Variants in CPNE4 observed in about 807,000 individuals in gnomAD.
CPNE4 encodes the protein copine 4.
Under a neutral mutation model 67.9 loss-of-function variants are expected in CPNE4, and 25 were observed. The observed-to-expected ratio is 0.37, with a 90% CI of 0.27 to 0.51. The LOEUF (loss-of-function observed/expected upper bound fraction) is 0.51. Among genes scored for constraint, CPNE4 ranks in the 20% least tolerant of loss-of-function variants. The pLI is 0.93. For missense variants in CPNE4, 464 were observed against 690.8 expected (o/e 0.67, Z 3.68); for synonymous variants, 242 against 244.9 (o/e 0.99, Z 0.11).
chr3:131,805,811 C>T (rs919586513), intron 2 of CPNE4, among the ~76,000 whole-genome samples: 5 of 152,108 alleles, frequency 3.3e-5, no homozygotes, highest in Admixed American at 3.3e-4. Flanking sequence ...TCCACTGTGC[C>T]CTACTGGTTG....
rs1386976025 is a variant in CPNE4, at chr3:132,005,300, A to G, written c.-2+29267T>C. 6.0e-5 allele frequency among the ~76,000 whole-genome samples: 8 copies of G among 133,254 alleles called. 1 individual carries two copies. Among genetic ancestry groups the G allele is most frequent in the Non-Finnish European group, 1.3e-4 (8 of 62,122 alleles). The allele number at this position is 133,254 out of a possible 152,430, so 87.4% of individuals were successfully genotyped here. On this transcript the variant is annotated intron_variant, in intron 1 of 15. Transcript: ENST00000429747. ...TCACCAAAAAACAACAAAACAATGA[A>G]TGTGCCATTTTTACATATATATATA...
At chr3:131,803,654 T>A (rs1215102508) in intron 2 of CPNE4, among the ~76,000 whole-genome samples, 1 of 152,210 alleles carries the variant, frequency 6.6e-6, no homozygotes, top group Non-Finnish European at 1.5e-5. Context: ...TGAAAACCCA[T>A]ACTTTAGACA....
At chr3:131,869,425 T>A (rs2087101205) in intron 2 of CPNE4, among the ~76,000 whole-genome samples, 1 of 152,192 alleles carries the variant, frequency 6.6e-6, no homozygotes, top group African/African-American at 2.4e-5. Context: ...ACAGTAATAC[T>A]ATTATCTTAG....
At chr3:132,012,291 C>T (rs556010774) in intron 1 of CPNE4, among the ~76,000 whole-genome samples, 3 of 151,208 alleles carry the variant, frequency 2.0e-5, no homozygotes, top group Non-Finnish European at 4.4e-5. Flanking sequence ...GCCTCAAACT[C>T]CTGAGTAGCT....
At chr3:131,842,730 T>TAAA (rs3041527) in intron 2 of CPNE4, among the ~76,000 whole-genome samples, 16 of 121,824 alleles carry the variant, frequency 1.3e-4, no homozygotes, top group East Asian at 4.8e-4. Context: ...TATTCTGTTG[T>TAAA]AAAAAAAAAA....
chr3:131,555,354 T>A, intron 12 of CPNE4, 143 bp downstream of exon 12: 1 of 647,396 alleles, frequency 1.5e-6, no homozygotes. Context: ...TTAATCTCAC[T>A]GATTCTGAAG....
intron 3 of CPNE4, among the ~76,000 whole-genome samples, chr3:131,706,413 T>C (rs2081414533): frequency 6.6e-6 from 1 of 152,236 alleles, no homozygotes; most frequent in Non-Finnish European, 1.5e-5. Context: ...TTAATTCTCA[T>C]GACAGCTCTG....
intron 7 of CPNE4, among the ~76,000 whole-genome samples, chr3:131,660,031 G>A (rs2080082901): frequency 6.6e-6 from 1 of 152,150 alleles, no homozygotes; most frequent in Non-Finnish European, 1.5e-5. Flanking sequence ...CAGCTCTGTG[G>A]CATTAAGTAT....
In CPNE4 at chr3:131,638,165, G is replaced by A. The variant is rs191813196; in HGVS notation, c.681+31510C>T. Among the ~76,000 whole-genome samples the A allele has an allele frequency of 2.6e-5, 4 of 152,082 alleles. No homozygotes were observed. In the East Asian group the frequency reaches 7.7e-4, roughly 29 times the overall value. On this transcript the variant is annotated intron_variant, in intron 7 of 15. Transcript: ENST00000429747. The stretch of plus-strand genomic sequence containing the variant: ...AAGGTATTCAGGCCACAAATAGCAT[G>A]ATGAATAGAATAGTACCTCACATCT...
At chr3:131,621,279 C>T (rs1362128916) in intron 7 of CPNE4, among the ~76,000 whole-genome samples, 1 of 152,122 alleles carries the variant, frequency 6.6e-6, no homozygotes, top group African/African-American at 2.4e-5. Flanking sequence ...GGTTCTCTTA[C>T]TGTCATCCAG....
chr3:131,608,017 G>A (rs938313636), intron 7 of CPNE4, among the ~76,000 whole-genome samples: 2 of 152,068 alleles, frequency 1.3e-5, no homozygotes, highest in African/African-American at 4.8e-5. Flanking sequence ...TAAGATTAGG[G>A]CATAATATAC....
chr3:131,709,785 T>C (rs1042119585), intron 3 of CPNE4, among the ~76,000 whole-genome samples: 1 of 152,240 alleles, frequency 6.6e-6, no homozygotes, highest in Non-Finnish European at 1.5e-5. Flanking sequence ...GCTTTCAGCA[T>C]AGGGTCTGGC....
intron 1 of CPNE4, among the ~76,000 whole-genome samples, chr3:131,988,421 TGCA>T (rs2073104642): frequency 6.6e-6 from 1 of 152,216 alleles, no homozygotes; most frequent in South Asian, 2.1e-4. Context: ...TCACTCTAAC[TGCA>T]TTGTGGTGAG....
intron 7 of CPNE4, among the ~76,000 whole-genome samples, chr3:131,626,084 C>T (rs1373540835): frequency 6.6e-6 from 1 of 152,144 alleles, no homozygotes; most frequent in East Asian, 1.9e-4. Context: ...ACTTCTCCAC[C>T]AACTGGCTAT....
intron 1 of CPNE4, among the ~76,000 whole-genome samples, chr3:132,018,239 G>T (rs2073926849): frequency 6.6e-6 from 1 of 152,208 alleles, no homozygotes; most frequent in Admixed American, 6.5e-5. Flanking sequence ...AAAAGAAGGT[G>T]TATGCTTTAG....
intron 5 of CPNE4, among the ~76,000 whole-genome samples, chr3:131,695,181 C>A (rs2107694031): frequency 6.6e-6 from 1 of 152,282 alleles, no homozygotes; most frequent in East Asian, 1.9e-4. Flanking sequence ...CTCTGAATTA[C>A]TAAGGATCTG....
intron 1 of CPNE4, among the ~76,000 whole-genome samples, chr3:131,927,671 C>T (rs888515054): frequency 7.9e-5 from 12 of 152,150 alleles, no homozygotes; most frequent in Non-Finnish European, 1.8e-4. Context: ...TCTTTTTGTC[C>T]CCTGTGTAAA....
chr3:131,802,368 C>A (rs757065931), intron 2 of CPNE4, among the ~76,000 whole-genome samples: 1 of 151,872 alleles, frequency 6.6e-6, no homozygotes, highest in African/African-American at 2.4e-5. Context: ...AGAAAAGGGT[C>A]AAGAAAACTG....
chr3:131,955,464 CCTT>C (rs1225038976), intron 1 of CPNE4, among the ~76,000 whole-genome samples: 15 of 108,746 alleles, frequency 1.4e-4, no homozygotes, highest in Non-Finnish European at 2.3e-4. Flanking sequence ...TCAGCTGCCT[CCTT>C]CTCTCTTGGT....
Sources: allele counts gnomAD v4.1 joint callset (sites outside exome capture counted in the v4.1 genomes callset), GRCh38; gene constraint gnomAD v4.1.1; transcripts MANE v1.5; gene names NCBI Gene and HGNC (gene_info 2026-07-23, HGNC 2026-07-21).